Variants in QTMAN observed in about 807,000 individuals in gnomAD.
QTMAN encodes the protein tRNA-queuosine alpha-mannosyltransferase.
At chr2:144,178,868 C>A in the QTMAN span, 1 of 390,820 alleles carries the variant, frequency 2.6e-6, no homozygotes, top group Non-Finnish European at 5.2e-6. Context: ...TGGATCCAGG[C>A]TTCTTGCATT....
At chr2:144,141,219 C>A in the QTMAN span, among the ~76,000 whole-genome samples, 1 of 151,806 alleles carries the variant, frequency 6.6e-6, no homozygotes. Flanking sequence ...GTAGTAAAAA[C>A]AGTTTTGCTA....
At chr2:144,160,159 T>C in the QTMAN span, among the ~76,000 whole-genome samples, 1 of 152,058 alleles carries the variant, frequency 6.6e-6, no homozygotes, top group South Asian at 2.1e-4. Flanking sequence ...TTTTGAAATG[T>C]AATGACTATC....
chr2:144,133,151 A>ATATATATATATAATATATATAT, the QTMAN span, among the ~76,000 whole-genome samples: 79 of 51,368 alleles, frequency 1.5e-3, 1 homozygote, highest in African/African-American at 6.9e-3. Flanking sequence ...ATATATATAT[A>ATATATATATATAATATATATAT]ATATAATATA....
chr2:144,277,257 G>A, the QTMAN span, among the ~76,000 whole-genome samples: 1 of 151,752 alleles, frequency 6.6e-6, no homozygotes, highest in African/African-American at 2.4e-5. Context: ...CACATGGCTT[G>A]CATTATATTT....
At chr2:144,198,253 T>G in the QTMAN span, among the ~76,000 whole-genome samples, 2 of 152,130 alleles carry the variant, frequency 1.3e-5, no homozygotes, top group African/African-American at 4.8e-5. Context: ...TGTAATGTAA[T>G]TTTCCTTTTG....
At chr2:144,109,049 T>C in the QTMAN span, among the ~76,000 whole-genome samples, 2 of 152,158 alleles carry the variant, frequency 1.3e-5, no homozygotes, top group South Asian at 4.1e-4. Flanking sequence ...CTTCACAGAA[T>C]TGGAAAAAAC....
chr2:144,059,837 T>C, the QTMAN span, among the ~76,000 whole-genome samples: 22 of 152,292 alleles, frequency 1.4e-4, no homozygotes, highest in East Asian at 1.9e-3. Flanking sequence ...TCACTTCTTG[T>C]CAATCAGGTG....
the QTMAN span, among the ~76,000 whole-genome samples, chr2:144,161,327 T>C: frequency 6.6e-6 from 1 of 152,198 alleles, no homozygotes; most frequent in Non-Finnish European, 1.5e-5. Context: ...CTTGTTCCAG[T>C]ACCCTGTTGC....
the QTMAN span, among the ~76,000 whole-genome samples, chr2:144,250,985 T>C: frequency 6.6e-6 from 1 of 152,012 alleles, no homozygotes; most frequent in African/African-American, 2.4e-5. Context: ...AAATGTAAAA[T>C]TTTAAAAGTT....
At chr2:144,289,685 A>G in the QTMAN span, among the ~76,000 whole-genome samples, 1 of 152,222 alleles carries the variant, frequency 6.6e-6, no homozygotes, top group Non-Finnish European at 1.5e-5. Flanking sequence ...CAAAATGGCA[A>G]TTGTAAATCT....
At chr2:144,010,587 T>G in the QTMAN span, among the ~76,000 whole-genome samples, 1 of 152,102 alleles carries the variant, frequency 6.6e-6, no homozygotes, top group Non-Finnish European at 1.5e-5. Context: ...GATCTTGTTG[T>G]ACAGGGAAGG....
chr2:143,970,390 A>C, the QTMAN span, among the ~76,000 whole-genome samples: 1 of 152,222 alleles, frequency 6.6e-6, no homozygotes, highest in Non-Finnish European at 1.5e-5. Context: ...AAGATGCCTA[A>C]AGCAATATAT....
the QTMAN span, among the ~76,000 whole-genome samples, chr2:144,039,161 T>C: frequency 6.6e-6 from 1 of 152,226 alleles, no homozygotes; most frequent in Non-Finnish European, 1.5e-5. Context: ...AAATAAGTTT[T>C]AGACATACTA....
chr2:144,088,919 T>G, the QTMAN span, among the ~76,000 whole-genome samples: 2 of 151,900 alleles, frequency 1.3e-5, no homozygotes. Flanking sequence ...AGGCAAAAAT[T>G]TATGGCTAAG....
the QTMAN span, among the ~76,000 whole-genome samples, chr2:144,020,107 G>A: frequency 6.6e-6 from 1 of 151,256 alleles, no homozygotes; most frequent in Non-Finnish European, 1.5e-5. Flanking sequence ...AGGAACTTGT[G>A]ATATGCAAGT....
the QTMAN span, among the ~76,000 whole-genome samples, chr2:144,163,028 C>T: frequency 1.3e-5 from 2 of 151,894 alleles, no homozygotes; most frequent in Admixed American, 1.3e-4. Context: ...AAAACAAACC[C>T]GGAATATGAA....
chr2:144,133,502 T>A, the QTMAN span, among the ~76,000 whole-genome samples: 1 of 80,730 alleles, frequency 1.2e-5, no homozygotes, highest in East Asian at 3.3e-4. Flanking sequence ...TATTATATAA[T>A]ATATATACAT....
At chr2:144,163,374 T>G in the QTMAN span, among the ~76,000 whole-genome samples, 62 of 152,292 alleles carry the variant, frequency 4.1e-4, no homozygotes, top group African/African-American at 1.4e-3. Context: ...TAAAGTAATT[T>G]CTACTTATAA....
At chr2:144,184,802 A>G in the QTMAN span, among the ~76,000 whole-genome samples, 2 of 152,310 alleles carry the variant, frequency 1.3e-5, no homozygotes, top group South Asian at 4.1e-4. Flanking sequence ...CTGGCTCCCT[A>G]TATAGGTATA....
Sources: gnomAD v4.1 joint callset for allele counts (sites outside exome capture counted in the v4.1 genomes callset) on GRCh38, gnomAD v4.1.1 for gene constraint, MANE v1.5 for transcripts, NCBI Gene and HGNC (gene_info 2026-07-23, HGNC 2026-07-21) for gene names.